Variants in PDE4D observed in about 807,000 individuals in gnomAD.
PDE4D encodes 3',5'-cyclic-AMP phosphodiesterase 4D.
PDE4D carries 24 observed loss-of-function variants against 87.4 expected under a neutral mutation model. The ratio of observed to expected loss-of-function variants is 0.27; its 90% CI spans 0.20 to 0.39. The LOEUF is 0.39. Among genes scored for constraint, PDE4D ranks in the 10% least tolerant of loss-of-function variants. The pLI, the probability that PDE4D is intolerant of heterozygous loss-of-function variation, is 1.00. For synonymous variants in PDE4D, 384 were observed against 383.2 expected (o/e 1.00, Z -0.02); for missense variants, 714 against 1,041.0 (o/e 0.69, Z 4.32).
rs1325201148 is a variant in PDE4D, at chr5:60,484,697, C to T, written c.-90+3245G>A. Among the ~76,000 whole-genome samples the T allele has an allele frequency of 2.0e-5, 3 of 152,226 alleles. No individual in the cohort carries two copies. The East Asian group carries it at 5.8e-4, about 29-fold the overall frequency. On this transcript the variant is annotated intron_variant, in intron 1 of 16. Coordinates refer to the PDE4D transcript ENST00000502484. ...TTAAACAAATGTAAGGTCCAAAAGCCTTCATAACATTAGGATCAAACAGTG... is the reference window on the plus strand; with the variant it reads ...TTAAACAAATGTAAGGTCCAAAAGCTTTCATAACATTAGGATCAAACAGTG...
At chr5:60,106,581 A>G (rs925675923) in intron 2 of PDE4D, among the ~76,000 whole-genome samples, 7 of 151,190 alleles carry the variant, frequency 4.6e-5, no homozygotes, top group Non-Finnish European at 8.9e-5. Flanking sequence ...CACCACACCT[A>G]TTCCAAAATT....
chr5:59,253,900 T>C (rs976822502), intron 1 of PDE4D, among the ~76,000 whole-genome samples: 16 of 152,118 alleles, frequency 1.1e-4, no homozygotes, highest in African/African-American at 3.6e-4. Flanking sequence ...TGAGTGAATA[T>C]AAGAATGAAC....
At chr5:59,351,668 A>G (rs1157004528) in intron 1 of PDE4D, among the ~76,000 whole-genome samples, 1 of 152,094 alleles carries the variant, frequency 6.6e-6, no homozygotes, top group Non-Finnish European at 1.5e-5. Context: ...AAAATAACGG[A>G]TTCATTTTCC....
chr5:60,338,394 C>CCGCCGCCACTGAAAGCCAATGGG (rs1561135576), intron 1 of PDE4D, among the ~76,000 whole-genome samples: 3 of 152,338 alleles, frequency 2.0e-5, no homozygotes, highest in African/African-American at 7.2e-5. Context: ...ACTGCTGCTG[C>CCGCCGCCACTGAAAGCCAATGGG]CGCCGCCACT....
At chr5:60,436,009 A>G (rs746050598) in intron 1 of PDE4D, among the ~76,000 whole-genome samples, 16 of 152,112 alleles carry the variant, frequency 1.1e-4, no homozygotes, top group Non-Finnish European at 2.4e-4. Context: ...CACAGCAGAA[A>G]TGATTGCTAT....
At chr5:59,581,212 G>T (rs1824073985) in intron 1 of PDE4D, among the ~76,000 whole-genome samples, 1 of 152,080 alleles carries the variant, frequency 6.6e-6, no homozygotes, top group African/African-American at 2.4e-5. Flanking sequence ...GGAGAGAAAA[G>T]GATGAGGGAT....
intron 1 of PDE4D, among the ~76,000 whole-genome samples, chr5:59,346,182 T>C (rs1004356310): frequency 1.3e-5 from 2 of 152,188 alleles, no homozygotes; most frequent in African/African-American, 4.8e-5. Context: ...TTAGTGGTTA[T>C]CTTCGGGTGC....
intron 1 of PDE4D, among the ~76,000 whole-genome samples, chr5:60,304,792 G>A (rs1395871845): frequency 6.6e-6 from 1 of 151,842 alleles, no homozygotes; most frequent in Non-Finnish European, 1.5e-5. Flanking sequence ...GAAGCTGAAT[G>A]ATCAAAAGCC....
chr5:60,064,222 G>C (rs1045573293), intron 2 of PDE4D, among the ~76,000 whole-genome samples: 1 of 151,988 alleles, frequency 6.6e-6, no homozygotes, highest in Non-Finnish European at 1.5e-5. Context: ...AGGGTTTACT[G>C]TGTACCAAAG....
At chr5:59,210,506 T>A (rs886991186) in intron 2 of PDE4D, among the ~76,000 whole-genome samples, 1 of 151,964 alleles carries the variant, frequency 6.6e-6, no homozygotes, top group African/African-American at 2.4e-5. Context: ...GTAGGGAGAG[T>A]ATTATCTACT....
At chr5:59,289,054 C>T (rs1767511522) in intron 1 of PDE4D, among the ~76,000 whole-genome samples, 2 of 152,030 alleles carry the variant, frequency 1.3e-5, no homozygotes, top group African/African-American at 4.8e-5. Context: ...AATATTATAA[C>T]ACTGTTATTA....
intron 1 of PDE4D, among the ~76,000 whole-genome samples, chr5:59,260,827 A>G (rs1171415910): frequency 6.6e-6 from 1 of 151,792 alleles, no homozygotes; most frequent in East Asian, 1.9e-4. Context: ...GAATTCAATT[A>G]AAATCTTATA....
chr5:60,448,502 T>A (rs1329458182), intron 1 of PDE4D: 2 of 152,182 alleles, frequency 1.3e-5, no homozygotes, highest in Non-Finnish European at 1.5e-5. Context: ...AGGTTTAGAC[T>A]GTGTTCAGTG....
intron 1 of PDE4D, among the ~76,000 whole-genome samples, chr5:59,754,434 G>A (rs1166748381): frequency 6.6e-6 from 1 of 152,158 alleles, no homozygotes; most frequent in Non-Finnish European, 1.5e-5. Flanking sequence ...TGTGGGTGCA[G>A]GGCTGGCTTC....
In PDE4D at chr5:59,099,554, G is replaced by A. The variant is rs141033192; in HGVS notation, c.809-60583C>T. On this transcript the variant is annotated intron_variant, in intron 5 of 14. Coordinates refer to ENST00000340635, the MANE Select transcript of PDE4D (RefSeq NM_001104631.2). ...TAACCAACAAAATGAGAGATGCGCC[G>A]CAAAATGTGACAGTACGAGTTACTG... Among the ~76,000 whole-genome samples, 12 of 152,152 alleles carry A rather than the reference G, an allele frequency of 7.9e-5. No homozygotes were observed. In the East Asian group the frequency reaches 9.7e-4, roughly 12 times the overall value.
At chr5:59,839,760 T>C (rs993410492) in intron 1 of PDE4D, among the ~76,000 whole-genome samples, 2 of 151,974 alleles carry the variant, frequency 1.3e-5, no homozygotes, top group Non-Finnish European at 2.9e-5. Context: ...TCAAAGAGCA[T>C]ATAGGAAATC....
At chr5:59,237,215 A>G (rs1397532210) in intron 1 of PDE4D, among the ~76,000 whole-genome samples, 1 of 152,152 alleles carries the variant, frequency 6.6e-6, no homozygotes, top group Non-Finnish European at 1.5e-5. Context: ...TCAATAAAGC[A>G]TTATCTCAGG....
chr5:59,189,232 G>GTTTTTTTTTTGTTTTTTTTTTT, intron 3 of PDE4D, among the ~76,000 whole-genome samples: 1 of 99,898 alleles, frequency 1.0e-5, no homozygotes, highest in Non-Finnish European at 2.1e-5. Context: ...TTCCTACCCC[G>GTTTTTTTTTTGTTTTTTTTTTT]TTTTTTTTTT....
upstream of PDE4D, chr5:60,489,911 G>C (rs1749435020): frequency 6.6e-6 from 1 of 152,078 alleles, no homozygotes; most frequent in Non-Finnish European, 1.5e-5. Context: ...TCTAAACTGA[G>C]GCCTGCAAGT....
Sources: allele counts gnomAD v4.1 joint callset (sites outside exome capture counted in the v4.1 genomes callset), GRCh38; gene constraint gnomAD v4.1.1; transcripts MANE v1.5; gene names NCBI Gene and HGNC (gene_info 2026-07-23, HGNC 2026-07-21).